FAM169A: variants seen among roughly 807,000 people sequenced by gnomAD.
The protein encoded by FAM169A is soluble lamin-associated protein of 75 kDa.
Under a neutral mutation model 75.7 loss-of-function variants are expected in FAM169A, and 24 were observed. The ratio of observed to expected loss-of-function variants is 0.32; its 90% confidence interval spans 0.23 to 0.45. The LOEUF (loss-of-function observed/expected upper bound fraction) is 0.45, where lower values mean the gene tolerates loss of function less well. Among genes scored for constraint, FAM169A ranks in the 20% least tolerant of loss-of-function variants. The pLI, the probability that FAM169A is intolerant of heterozygous loss-of-function variation, is 1.00. For missense variants in FAM169A, 673 were observed against 784.0 expected (o/e 0.86, Z 1.69); for synonymous variants, 271 against 271.0 (o/e 1.00, Z 0.00).
At chr5:74,855,701 G>A (rs1405023854) in intron 1 of FAM169A, among the ~76,000 whole-genome samples, 1 of 152,150 alleles carries the variant, frequency 6.6e-6, no homozygotes, top group Non-Finnish European at 1.5e-5. Context: ...TTGTCAGATA[G>A]ACAGTTTGCA....
intron 5 of FAM169A, among the ~76,000 whole-genome samples, chr5:74,830,190 G>A (rs779961719): frequency 2.6e-5 from 4 of 152,094 alleles, no homozygotes; most frequent in South Asian, 2.1e-4. Flanking sequence ...TAAAAAGAGA[G>A]GAAAGAGAAG....
rs1245892196 is a variant in FAM169A at position 74,778,997 on chromosome 5, G to A, written c.*2463C>T. ...ATTCTATACTCAAGTTACTGAACAT[G>A]AGAGTTAGGTTTTTCCAAGTGATCT... On this transcript the variant is annotated 3_prime_UTR_variant, in exon 13 of 13. Transcript: ENST00000687041. The A allele has an allele frequency of 6.6e-6, 1 of 152,262 alleles. No individual in the cohort carries two copies. Among genetic ancestry groups the A allele is most frequent in the Admixed American group, 6.5e-5 (1 of 15,304 alleles). The allele number at this position is 152,262 out of a possible 1,614,324, so 9.4% of individuals were successfully genotyped here.
At chr5:74,817,776 A>G (rs1160708335) in intron 5 of FAM169A, among the ~76,000 whole-genome samples, 1 of 152,198 alleles carries the variant, frequency 6.6e-6, no homozygotes, top group Non-Finnish European at 1.5e-5. Flanking sequence ...AGCTAGAGTA[A>G]TCAGGACAGT....
chr5:74,800,447 A>G (rs939610125), intron 10 of FAM169A, among the ~76,000 whole-genome samples: 2 of 152,172 alleles, frequency 1.3e-5, no homozygotes, highest in African/African-American at 4.8e-5. Context: ...ACTTAAAACC[A>G]TACCATCAAA....
Position 74,786,370 on chromosome 5 carries a change from G to A in FAM169A, c.1261-3236C>T, listed in dbSNP as rs996171262. Among the ~76,000 whole-genome samples, 8 of 152,138 alleles carry A rather than the reference G, an allele frequency of 5.3e-5. 1 individual carries two copies. The highest frequency in any genetic ancestry group is 2.6e-4 in the Admixed American group (4 of 15,280). ...AGAATATTAAGGATGGAGTTCTTTC[G>A]TAGGTTTTGGGGTTTCTGAAGTTGG... On this transcript the variant is annotated intron_variant, in intron 11 of 12. Transcript: ENST00000687041.
chr5:74,807,595 T>G (rs1746957294), intron 6 of FAM169A, among the ~76,000 whole-genome samples: 1 of 152,220 alleles, frequency 6.6e-6, no homozygotes. Flanking sequence ...TTTGTAACAT[T>G]CATTACAGGA....
intron 5 of FAM169A, among the ~76,000 whole-genome samples, chr5:74,818,785 C>CTT (rs1490263168): frequency 7.3e-6 from 1 of 136,324 alleles, no homozygotes; most frequent in Non-Finnish European, 1.6e-5. Flanking sequence ...CTCTCTCTCT[C>CTT]TCTCTCTCTC....
intron 1 of FAM169A, among the ~76,000 whole-genome samples, chr5:74,846,764 G>C (rs1420067870): frequency 3.3e-5 from 5 of 152,068 alleles, no homozygotes; most frequent in African/African-American, 9.7e-5. Context: ...GGTCTCCCCA[G>C]GTTGCCCAGG....
chr5:74,860,620 G>C (rs1355319435), intron 1 of FAM169A, among the ~76,000 whole-genome samples: 1 of 152,042 alleles, frequency 6.6e-6, no homozygotes, highest in Non-Finnish European at 1.5e-5. Flanking sequence ...CAATAATACA[G>C]ATTTGGGAGC....
chr5:74,788,673 C>T (rs377410485), intron 11 of FAM169A, among the ~76,000 whole-genome samples: 35 of 151,536 alleles, frequency 2.3e-4, no homozygotes, highest in African/African-American at 8.2e-4. Flanking sequence ...CCATTGCACT[C>T]CAGCCTGGGC....
rs571765130 is a variant in FAM169A, at chr5:74,841,484, A to G, written c.132+61T>C. On this transcript the variant is annotated intron_variant, in intron 2 of 12. Coordinates refer to ENST00000687041, the MANE Select transcript of FAM169A (RefSeq NM_001376049.1). ...TAAAATGATTTTTTTAAAAAAGGAT[A>G]TTTATTTCATGTATAAACTGAACTG... 5.4e-6 allele frequency: 7 copies of G among 1,285,906 alleles called. No individual in the cohort carries two copies. In the East Asian group the frequency reaches 1.5e-4, roughly 28 times the overall value. 79.7% of individuals were successfully genotyped at this position (1,285,906 alleles called of 1,614,324 possible).
At chr5:74,817,502 TACAA>T (rs878884325) in intron 5 of FAM169A, among the ~76,000 whole-genome samples, 1 of 152,064 alleles carries the variant, frequency 6.6e-6, no homozygotes, top group African/African-American at 2.4e-5. Context: ...CAATAGAGAT[TACAA>T]ACATTGTTAA....
At chr5:74,851,850 T>C (rs1280305305) in intron 1 of FAM169A, among the ~76,000 whole-genome samples, 1 of 152,186 alleles carries the variant, frequency 6.6e-6, no homozygotes, top group Non-Finnish European at 1.5e-5. Flanking sequence ...ATACCTGGCT[T>C]CTCTACCACG....
At chr5:74,807,344 G>A (rs1746942640) in intron 6 of FAM169A, among the ~76,000 whole-genome samples, 1 of 152,112 alleles carries the variant, frequency 6.6e-6, no homozygotes, top group South Asian at 2.1e-4. Flanking sequence ...ATACTTTATT[G>A]AATACAGTAC....
upstream of FAM169A, chr5:74,866,699 G>A: frequency 1.0e-6 from 1 of 967,046 alleles, no homozygotes; most frequent in Non-Finnish European, 1.2e-6. Flanking sequence ...AATAGATGCG[G>A]TTAAGCCGCG....
chr5:74,834,499 A>G lies in FAM169A; in HGVS notation c.417T>C (p.His139=), dbSNP rs538837324. ...GAATCTTAGCATAATCAGTACTGCT[A>G]TGACACAGGAATGGGATCTCATTTC... ...MERNEIPFLC[H]SSTDYAKILW... Residue 139 remains histidine (H), a synonymous_variant, in exon 5 of 13, where the codon CAT becomes CAC. Transcript: ENST00000687041. 1 of 1,605,924 alleles carries G rather than the reference A, an allele frequency of 6.2e-7. No individual in the cohort carries two copies. The highest frequency in any genetic ancestry group is 1.1e-5 in the South Asian group (1 of 89,410).
intron 6 of FAM169A, 37 bp from the exon 7 acceptor site, chr5:74,805,321 A>C: frequency 6.2e-7 from 1 of 1,602,382 alleles, no homozygotes; most frequent in Non-Finnish European, 8.5e-7. Context: ...GAAATCCCAA[A>C]TATCCACTGT....
intron 9 of FAM169A, 38 bp downstream of exon 9, chr5:74,801,551 GT>G: frequency 6.7e-7 from 1 of 1,495,782 alleles, no homozygotes; most frequent in South Asian, 1.1e-5. Flanking sequence ...AATTTGAAGT[GT>G]CTCAAATACT....
At chr5:74,865,889 CACACAAA>C (rs1750307956) in intron 1 of FAM169A, 1 of 152,288 alleles carries the variant, frequency 6.6e-6, no homozygotes, top group Non-Finnish European at 1.5e-5. Context: ...GGCATTCCCT[CACACAAA>C]ATGGTGGCGC....
Sources: gnomAD v4.1 joint callset for allele counts (sites outside exome capture counted in the v4.1 genomes callset) on GRCh38, gnomAD v4.1.1 for gene constraint, MANE v1.5 for transcripts, NCBI Gene and HGNC (gene_info 2026-07-23, HGNC 2026-07-21) for gene names.